LRP1: variants seen among roughly 807,000 people sequenced by gnomAD.
LRP1 encodes LDL receptor related protein 1, also known as prolow-density lipoprotein receptor-related protein 1.
LRP1 carries 51 observed loss-of-function variants against 541.5 expected under a neutral mutation model. The ratio of observed to expected loss-of-function variants is 0.09; its 90% CI spans 0.08 to 0.12. The LOEUF (loss-of-function observed/expected upper bound fraction) is 0.12, where lower values mean the gene tolerates loss of function less well. LRP1 is among the 10% of genes least tolerant of loss of function. The pLI, the probability that LRP1 is intolerant of heterozygous loss-of-function variation, is 1.00. For synonymous variants in LRP1, 2,219 were observed against 2,470.8 expected (o/e 0.90, Z 3.02); for missense variants, 3,878 against 6,376.2 (o/e 0.61, Z 13.34).
Position 57,179,134 on chromosome 12 carries a change from A to G in LRP1, c.4738+113A>G. On this transcript the variant is annotated intron_variant, in intron 28 of 88. Transcript: ENST00000243077. This position sits in a 1 kb window ranked among gnomAD's most constrained non-coding sequence, Gnocchi z 6.8. Reference sequence around the variant, plus strand: ...GAGTCCCAGTCGGGAGGGTCCCGATAGGAGAGGCTCCAGAGACAGCCACTG... The same window carrying G: ...GAGTCCCAGTCGGGAGGGTCCCGATGGGAGAGGCTCCAGAGACAGCCACTG... The G allele has an allele frequency of 7.0e-7, 1 of 1,428,892 alleles. No homozygotes were observed. The highest frequency in any genetic ancestry group is 9.4e-7 in the Non-Finnish European group (1 of 1,060,334). The allele number at this position is 1,428,892 out of a possible 1,614,324, so 88.5% of individuals were successfully genotyped here.
At chr12:57,166,367 C>A in intron 17 of LRP1, 158 bp downstream of exon 17, 1 of 966,498 alleles carries the variant, frequency 1.0e-6, no homozygotes, top group Non-Finnish European at 1.5e-6. Flanking sequence ...CCAGCCTGGC[C>A]AACATAGTGA....
chr12:57,169,351 C>T, intron 20 of LRP1, 44 bp downstream of exon 20: 1 of 1,526,978 alleles, frequency 6.5e-7, no homozygotes, highest in Admixed American at 1.8e-5. Context: ...ATCGAGCCCC[C>T]TGCATCAGAC....
At chr12:57,203,091 G>C in intron 68 of LRP1, 90 bp from the exon 69 acceptor site, 1 of 950,562 alleles carries the variant, frequency 1.1e-6, no homozygotes, top group Non-Finnish European at 1.5e-6. Context: ...GAGACACGGG[G>C]ATGGGCCTTG....
chr12:57,148,945 T>G, intron 6 of LRP1: 1 of 586,412 alleles, frequency 1.7e-6, no homozygotes, highest in Admixed American at 2.9e-5. Context: ...CACTTTTCCC[T>G]TCCTCTCCCT....
rs1296378421 is a variant in LRP1, at chr12:57,155,085, G to A, written c.1227+384G>A. ...GATAGCACTGGAACTTGTTCTAGAA[G>A]CCTTGCTGGCTCAGAGGTGGCATCT... On this transcript the variant is annotated intron_variant, in intron 8 of 88. Coordinates refer to ENST00000243077, the MANE Select transcript of LRP1 (RefSeq NM_002332.3). 6.3e-6 allele frequency: 3 copies of A among 475,398 alleles called. No homozygotes were observed. The East Asian group carries it at 1.1e-4, about 18-fold the overall frequency. The allele number at this position is 475,398 out of a possible 1,614,324, so 29.4% of individuals were successfully genotyped here. A position where few individuals can be genotyped will look rare whatever the true frequency, so the allele number is the denominator to read the frequency against.
rs1255020178 is a variant in LRP1, at chr12:57,201,383, C to T, written c.10346-114C>T. On this transcript the variant is annotated intron_variant, in intron 65 of 88. Transcript: ENST00000243077. This position sits in a 1 kb window ranked among gnomAD's most constrained non-coding sequence, Gnocchi z 6.4. ...ACTGGGGATAAACTGTTCCTTCCTC[C>T]GAAGAAGTTGCTGGCAGGACCAAGG... 3.7e-5 allele frequency: 55 copies of T among 1,478,086 alleles called. No homozygotes were observed. In the South Asian group the frequency reaches 3.9e-4, roughly 10 times the overall value. 91.6% of individuals were successfully genotyped at this position (1,478,086 alleles called of 1,614,324 possible).
intron 41 of LRP1, 55 bp from the exon 42 acceptor site, chr12:57,187,212 G>C: frequency 6.4e-7 from 1 of 1,560,740 alleles, no homozygotes; most frequent in Admixed American, 1.8e-5. Context: ...CACGGCTCCT[G>C]TGCAGGCTGC....
In LRP1 at chr12:57,177,327, C is replaced by A; in HGVS notation, c.4196+82C>A. The A allele has an allele frequency of 6.4e-7, 1 of 1,568,194 alleles. No individual in the cohort carries two copies. Among genetic ancestry groups the A allele is most frequent in the Non-Finnish European group, 8.7e-7 (1 of 1,147,040 alleles). ...GCCTGGCCAGGGACACCTTACTCCT[C>A]AGTGCCATCTGCCTCCTCCCACCCT... On this transcript the variant is annotated intron_variant, in intron 25 of 88. Coordinates refer to ENST00000243077, the MANE Select transcript of LRP1 (RefSeq NM_002332.3). The surrounding 1 kb of genome is among the most constrained non-coding windows in gnomAD (Gnocchi z 6.8).
chr12:57,180,669 G>A lies in LRP1; in HGVS notation c.5389G>A (p.Asp1797Asn), dbSNP rs770795861. 4 of 1,613,922 alleles carry A rather than the reference G, an allele frequency of 2.5e-6. No homozygotes were observed. The highest frequency in any genetic ancestry group is 1.1e-5 in the South Asian group (1 of 91,092). ...CTCATCCCCTCCTGCTGCCCCAGGG[G>A]ACAAGCTGTGGTGGGCTGATCAGGT... ...GKATALAIMGDKLWWADQVSE... is the reference protein window; with the variant it reads ...GKATALAIMGNKLWWADQVSE... The change falls in exon 33 of 89, where the codon GAC becomes AAC. Residue 1797 changes from aspartate to asparagine, a missense_variant and splice_region_variant. Physicochemically the swap from Asp to Asn is conservative, Grantham distance 23. Around this residue, in one of 13 missense-constraint regions of LRP1, gnomAD observed 394 missense variants for 635.9 expected, o/e 0.62. Transcript: ENST00000243077.
At chr12:57,187,818 G>A (rs973232976) in intron 42 of LRP1, among the ~76,000 whole-genome samples, 1 of 152,182 alleles carries the variant, frequency 6.6e-6, no homozygotes, top group African/African-American at 2.4e-5. Flanking sequence ...CCTTCGTACA[G>A]AAGCCTAAGG....
At chr12:57,139,035 G>A (rs986976701) in intron 2 of LRP1, among the ~76,000 whole-genome samples, 1 of 152,016 alleles carries the variant, frequency 6.6e-6, no homozygotes, top group African/African-American at 2.4e-5. Flanking sequence ...TGCTCTTCCC[G>A]CTACCCCCGC....
At chr12:57,161,304 ATTGTG>A (rs2035729016) in intron 13 of LRP1, among the ~76,000 whole-genome samples, 189 bp downstream of exon 13, 1 of 151,946 alleles carries the variant, frequency 6.6e-6, no homozygotes, top group African/African-American at 2.4e-5. Context: ...TGTCTTATGT[ATTGTG>A]TTGTTTGTTT....
intron 1 of LRP1, 79 bp from the exon 2 acceptor site, chr12:57,138,380 G>T: frequency 6.6e-7 from 1 of 1,519,576 alleles, no homozygotes. Flanking sequence ...AGGGAAGGAA[G>T]AGCAGTACTA....
chr12:57,197,128 C>G lies in LRP1; in HGVS notation c.9039C>G (p.Pro3013=). 6.2e-7 allele frequency: 1 copy of G among 1,614,018 alleles called. No individual in the cohort carries two copies. Among genetic ancestry groups the G allele is most frequent in the East Asian group, 2.2e-5 (1 of 44,884 alleles). The stretch of plus-strand genomic sequence containing the variant: ...GTCTGTGTGTGGAGGGCTATGCACC[C>G]CGCGGCGGCGACCCCCACAGCTGCA... ...YKCLCVEGYA[P]RGGDPHSCKA... The change falls in exon 56 of 89, where the codon CCC becomes CCG. Residue 3013 remains proline (P), a synonymous_variant. Coordinates refer to ENST00000243077, the MANE Select transcript of LRP1 (RefSeq NM_002332.3). This position sits in a 1 kb window ranked among gnomAD's most constrained non-coding sequence, Gnocchi z 4.5.
At chr12:57,136,394 A>C (rs2035165436) in intron 1 of LRP1, among the ~76,000 whole-genome samples, 1 of 55,272 alleles carries the variant, frequency 1.8e-5, no homozygotes, top group Non-Finnish European at 3.8e-5. Context: ...CCCTCCTAAG[A>C]GCCCCCCCCC....
intron 1 of LRP1, among the ~76,000 whole-genome samples, chr12:57,129,270 G>C (rs1044448535): frequency 6.6e-6 from 1 of 152,120 alleles, no homozygotes; most frequent in Admixed American, 6.5e-5. Context: ...GGCCTGGGTA[G>C]AGAGAAGAGG....
rs768696719 is a variant in LRP1, at chr12:57,141,525, C to T, written c.328+14C>T. The T allele has an allele frequency of 1.9e-6, 3 of 1,614,158 alleles. No individual in the cohort carries two copies. The highest frequency in any genetic ancestry group is 1.7e-4 in the Middle Eastern group (1 of 6,060). ...CCCACTGCCGAGGTAAGGACTTTTC[C>T]ACTCTCTACTCTCCCGTCTGGATGC... On this transcript the variant is annotated intron_variant, in intron 3 of 88. Transcript: ENST00000243077.
rs371686015 is a variant in LRP1, at chr12:57,154,741, G to T, written c.1227+40G>T. ...GTCTGAGGTTTTGTGGGGGAACCAT[G>T]ATCCAGGGCCTTCTGGTGAGGGGGG... On this transcript the variant is annotated intron_variant, in intron 8 of 88. Transcript: ENST00000243077. The surrounding 1 kb of genome is among the most constrained non-coding windows in gnomAD (Gnocchi z 4.6). 1 of 1,528,022 alleles carries T rather than the reference G, an allele frequency of 6.5e-7. No homozygotes were observed. Among genetic ancestry groups the T allele is most frequent in the Admixed American group, 2.0e-5 (1 of 50,980 alleles). The allele number at this position is 1,528,022 out of a possible 1,614,324, so 94.7% of individuals were successfully genotyped here. A position where few individuals can be genotyped will look rare whatever the true frequency, so the allele number is the denominator to read the frequency against.
Position 57,128,522 on chromosome 12 carries a change from T to A in LRP1, c.-443T>A. The A allele has an allele frequency of 1.9e-5, 3 of 158,758 alleles. No homozygotes were observed. Among genetic ancestry groups the A allele is most frequent in the East Asian group, 3.4e-4 (2 of 5,856 alleles). The allele number at this position is 158,758 out of a possible 1,614,324, so 9.8% of individuals were successfully genotyped here. A position where few individuals can be genotyped will look rare whatever the true frequency, so the allele number is the denominator to read the frequency against. On this transcript the variant is annotated 5_prime_UTR_variant, in exon 1 of 89. An upstream start codon of the reference 5' UTR is lost. Coordinates refer to ENST00000243077, the MANE Select transcript of LRP1 (RefSeq NM_002332.3). ...AACAGCGGTGCGAGCTCCAGGCCCA[T>A]GCACTGAGGAGGCGGAAACAAGGGG...
Sources: allele counts gnomAD v4.1 joint callset (sites outside exome capture counted in the v4.1 genomes callset), GRCh38; gene constraint gnomAD v4.1.1; regional missense constraint gnomAD v4.1.1; non-coding constraint Gnocchi (gnomAD v3.1); transcripts MANE v1.5; gene names NCBI Gene and HGNC (gene_info 2026-07-23, HGNC 2026-07-21).